MFAP5: variants seen among roughly 807,000 people sequenced by gnomAD.
MFAP5 encodes the protein microfibril associated protein 5.
MFAP5 carries 19 observed loss-of-function variants against 30.1 expected under a neutral mutation model. The observed-to-expected ratio is 0.63, with a 90% CI of 0.44 to 0.93. The LOEUF is 0.93. Among genes scored for constraint, MFAP5 ranks in the 40% least tolerant of loss-of-function variants. The pLI is 0.00. For missense variants in MFAP5, 210 were observed against 221.3 expected (o/e 0.95, Z 0.32); for synonymous variants, 92 against 72.9 (o/e 1.26, Z -1.33).
intron 9 of MFAP5, 64 bp downstream of exon 9, chr12:8,649,437 T>C: frequency 6.9e-7 from 1 of 1,450,882 alleles, no homozygotes; most frequent in Non-Finnish European, 9.7e-7. Flanking sequence ...TATAGTAATA[T>C]CATGTCCCTA....
At position 8,646,025 on chromosome 12, in the gene MFAP5, C is replaced by T. The variant is rs1941671702; in HGVS notation, c.*2066G>A. 6.6e-6 allele frequency: 1 copy of T among 152,466 alleles called. No homozygotes were observed. Among genetic ancestry groups the T allele is most frequent in the Non-Finnish European group, 1.5e-5 (1 of 68,014 alleles). The allele number at this position is 152,466 out of a possible 1,614,324, so 9.4% of individuals were successfully genotyped here. ...TGTTTAATTTGCAATATACATAATACTGGAATTGAAATGCTGTCTGATGGA... is the reference window on the plus strand; with the variant it reads ...TGTTTAATTTGCAATATACATAATATTGGAATTGAAATGCTGTCTGATGGA... On this transcript the variant is annotated 3_prime_UTR_variant, in exon 10 of 10. Transcript: ENST00000359478.
In MFAP5 at chr12:8,648,130, G is replaced by A. The variant is rs1941732804; in HGVS notation, c.483C>T (p.Pro161=). ...GTCTCTGCAAATCCACATTTTCACA[G>A]GGAGGAAGTCGGAAGTAATTGGAGC... ...LRRSNYFRLP[P]CENVDLQRPN... Residue 161 remains proline (P), a synonymous_variant, in exon 10 of 10, where the codon CCC becomes CCT. Transcript: ENST00000359478. 1 of 1,614,014 alleles carries A rather than the reference G, an allele frequency of 6.2e-7. No individual in the cohort carries two copies. The highest frequency in any genetic ancestry group is 8.5e-7 in the Non-Finnish European group (1 of 1,179,950).
chr12:8,651,797 G>A, intron 6 of MFAP5, 106 bp from the exon 7 acceptor site: 2 of 971,460 alleles, frequency 2.1e-6, no homozygotes, highest in Non-Finnish European at 3.3e-6. Context: ...CCATAAATAG[G>A]GAGCAAATGA....
At position 8,654,493 on chromosome 12, in the gene MFAP5, C is replaced by T. The variant is rs1207307484; in HGVS notation, c.173-12G>A. 6.3e-7 allele frequency: 1 copy of T among 1,599,986 alleles called. No homozygotes were observed. The highest frequency in any genetic ancestry group is 8.5e-7 in the Non-Finnish European group (1 of 1,173,056). On this transcript the variant is annotated splice_polypyrimidine_tract_variant and intron_variant, in intron 5 of 9. Coordinates refer to ENST00000359478, the MANE Select transcript of MFAP5 (RefSeq NM_003480.4). Reference sequence around the variant, plus strand: ...CAAAACAGCCAAAACTGAAAAGGCACAAAACAGCAGGTATGAGGAGGGCTT... The same window carrying T: ...CAAAACAGCCAAAACTGAAAAGGCATAAAACAGCAGGTATGAGGAGGGCTT...
chr12:8,654,514 G>C, intron 5 of MFAP5, 33 bp from the exon 6 acceptor site: 1 of 1,584,578 alleles, frequency 6.3e-7, no homozygotes, highest in South Asian at 1.2e-5. Flanking sequence ...GTATGAGGAG[G>C]GCTTCAAATT....
intron 6 of MFAP5, among the ~76,000 whole-genome samples, chr12:8,652,312 A>G (rs1308795968): frequency 1.3e-5 from 2 of 151,982 alleles, no homozygotes; most frequent in Non-Finnish European, 2.9e-5. Context: ...GGGTGTAGTG[A>G]TGTGCACCTG....
intron 6 of MFAP5, 165 bp downstream of exon 6, chr12:8,654,272 G>C (rs1941921700): frequency 1.6e-6 from 1 of 623,426 alleles, no homozygotes; most frequent in Non-Finnish European, 2.7e-6. Flanking sequence ...TTTGTCAGGT[G>C]TTCAACAATG....
At chr12:8,648,445 T>C in intron 9 of MFAP5, 1 of 1,059,358 alleles carries the variant, frequency 9.4e-7, no homozygotes. Context: ...ACCTCAACAG[T>C]ATATTTCTGA....
Position 8,649,392 on chromosome 12 carries a change from T to C in MFAP5, c.409+109A>G, listed in dbSNP as rs1000087853. ...CAGGAGCTGATGGACTCTAAGGGGG[T>C]AGCCTGAAGCCCTCCTCTAGTACCA... is the stretch of plus-strand genomic sequence containing the variant. On this transcript the variant is annotated intron_variant, in intron 9 of 9. Transcript: ENST00000359478. 4.4e-6 allele frequency: 4 copies of C among 905,286 alleles called. No individual in the cohort carries two copies. The African/African-American group carries it at 6.5e-5, about 15-fold the overall frequency. The allele number at this position is 905,286 out of a possible 1,614,324, so 56.1% of individuals were successfully genotyped here.
At chr12:8,658,118 G>A (rs1591574791) in intron 3 of MFAP5, among the ~76,000 whole-genome samples, 1 of 152,136 alleles carries the variant, frequency 6.6e-6, no homozygotes, top group African/African-American at 2.4e-5. Context: ...GGAGGCCAAG[G>A]CATGCGTATC....
chr12:8,650,537 C>T lies in MFAP5; in HGVS notation c.300G>A (p.Pro100=), dbSNP rs1294533558. The stretch of plus-strand genomic sequence containing the variant: ...ATAACTGATGAATGCATTGTTTAAC[C>T]GGCCGATGCACAGAGTAGAGCCTTG... The part of the protein sequence containing the change: ...TCTRLYSVHR[P]VKQCIHQLCF... Residue 100 remains proline (P), a synonymous_variant, in exon 8 of 10, where the codon CCG becomes CCA. Transcript: ENST00000359478. 31 of 1,613,926 alleles carry T rather than the reference C, an allele frequency of 1.9e-5. No homozygotes were observed. The highest frequency in any genetic ancestry group is 2.7e-5 in the African/African-American group (2 of 74,876).
At chr12:8,659,243 G>C (rs1942083139) in intron 3 of MFAP5, among the ~76,000 whole-genome samples, 1 of 151,958 alleles carries the variant, frequency 6.6e-6, no homozygotes, top group East Asian at 1.9e-4. Context: ...GGGAGATGGA[G>C]GTTGCAGTGA....
intron 7 of MFAP5, among the ~76,000 whole-genome samples, chr12:8,651,018 T>G (rs1941824182): frequency 6.6e-6 from 1 of 151,908 alleles, no homozygotes; most frequent in Non-Finnish European, 1.5e-5. Flanking sequence ...AATACAAAAA[T>G]TAGCCAGGAG....
At chr12:8,655,538 C>A in intron 4 of MFAP5, 91 bp from the exon 5 acceptor site, 2 of 1,339,244 alleles carry the variant, frequency 1.5e-6, no homozygotes, top group South Asian at 1.3e-5. Flanking sequence ...TCAAAGGAGG[C>A]AAGAAAGGCT....
At chr12:8,648,229 GA>G (rs781107676) in intron 9 of MFAP5, 26 bp from the exon 10 acceptor site, 3 of 1,554,550 alleles carry the variant, frequency 1.9e-6, no homozygotes, top group Non-Finnish European at 2.7e-6. Flanking sequence ...AACATCATGG[GA>G]AGAGAATGCA....
At chr12:8,650,155 AG>A (rs1237669195) in intron 8 of MFAP5, among the ~76,000 whole-genome samples, 1 of 152,194 alleles carries the variant, frequency 6.6e-6, no homozygotes, top group Admixed American at 6.6e-5. Context: ...ACCTAAAGTC[AG>A]GCTTAATATT....
At chr12:8,648,566 GA>G in intron 9 of MFAP5, 1 of 1,261,016 alleles carries the variant, frequency 7.9e-7, no homozygotes, top group Non-Finnish European at 1.0e-6. Context: ...CTATTAAATA[GA>G]AAAATGAGAT....
intron 1 of MFAP5, 117 bp from the exon 2 acceptor site, chr12:8,662,223 A>T: frequency 1.3e-6 from 1 of 754,104 alleles, no homozygotes. Context: ...AACTTTCTTC[A>T]TTTTCCCTTA....
intron 3 of MFAP5, among the ~76,000 whole-genome samples, chr12:8,660,206 T>C (rs1942109831): frequency 6.6e-6 from 1 of 151,692 alleles, no homozygotes; most frequent in Non-Finnish European, 1.5e-5. Context: ...TTTTTTTTTT[T>C]TTTAGTCAGT....
Sources: allele counts gnomAD v4.1 joint callset (sites outside exome capture counted in the v4.1 genomes callset), GRCh38; gene constraint gnomAD v4.1.1; transcripts MANE v1.5; gene names NCBI Gene and HGNC (gene_info 2026-07-23, HGNC 2026-07-21).